EXOC2: variants seen among roughly 807,000 people sequenced by gnomAD.
EXOC2 encodes the protein exocyst complex component 2.
EXOC2 carries 70 observed loss-of-function variants against 131.8 expected under a neutral mutation model. The ratio of observed to expected loss-of-function variants is 0.53; its 90% CI spans 0.44 to 0.65. EXOC2 has a LOEUF of 0.65. EXOC2 is among the 30% of genes least tolerant of loss of function. The pLI, the probability that EXOC2 is intolerant of heterozygous loss-of-function variation, is 0.00. For synonymous variants in EXOC2, 411 were observed against 398.4 expected (o/e 1.03, Z -0.38); for missense variants, 923 against 1,108.6 (o/e 0.83, Z 2.38).
At chr6:554,036 G>T in intron 20 of EXOC2, 116 bp from the exon 21 acceptor site, 3 of 772,380 alleles carry the variant, frequency 3.9e-6, no homozygotes, top group Non-Finnish European at 6.0e-6. Context: ...TTTGGTGAAA[G>T]TCACATAACT....
chr6:487,778 G>T (rs1289288050), intron 27 of EXOC2, among the ~76,000 whole-genome samples: 1 of 152,166 alleles, frequency 6.6e-6, no homozygotes, highest in Non-Finnish European at 1.5e-5. Flanking sequence ...CAAGAACTGG[G>T]TTTAACAGTA....
At chr6:593,664 T>C (rs1473102528) in intron 10 of EXOC2, among the ~76,000 whole-genome samples, 1 of 152,248 alleles carries the variant, frequency 6.6e-6, no homozygotes, top group African/African-American at 2.4e-5. Flanking sequence ...CATGTCCAAA[T>C]GAATTTATTG....
chr6:608,303 C>A (rs1004833795), intron 7 of EXOC2, among the ~76,000 whole-genome samples: 4 of 152,162 alleles, frequency 2.6e-5, no homozygotes, highest in Non-Finnish European at 4.4e-5. Context: ...CTTGACACAA[C>A]CAGAGTTAAA....
At chr6:629,151 C>T (rs1193265919) in intron 4 of EXOC2, among the ~76,000 whole-genome samples, 1 of 152,156 alleles carries the variant, frequency 6.6e-6, no homozygotes, top group Non-Finnish European at 1.5e-5. Flanking sequence ...ATTAACAGTG[C>T]TAATTTGTCA....
chr6:524,745 TAATA>T (rs1461452052), intron 23 of EXOC2: 5 of 152,228 alleles, frequency 3.3e-5, no homozygotes, highest in Non-Finnish European at 2.9e-5. Context: ...GAATTCAACT[TAATA>T]AATATAGAAA....
chr6:547,736 G>GA (rs1004719836), intron 22 of EXOC2, among the ~76,000 whole-genome samples: 17 of 151,134 alleles, frequency 1.1e-4, no homozygotes, highest in Non-Finnish European at 1.8e-4. Context: ...GACGGTCGAT[G>GA]AAAAAAAAAT....
At chr6:617,985 CT>C in intron 5 of EXOC2, 150 bp from the exon 6 acceptor site, 1 of 966,708 alleles carries the variant, frequency 1.0e-6, no homozygotes. Flanking sequence ...AATCAAAAAG[CT>C]TTCAAATTGT....
chr6:633,227 A>T (rs1262612837), intron 2 of EXOC2, 110 bp from the exon 3 acceptor site: 1 of 1,112,278 alleles, frequency 9.0e-7, no homozygotes, highest in Non-Finnish European at 1.3e-6. Context: ...GACATTATTG[A>T]ATATACCCAA....
At position 625,705 on chromosome 6, in the gene EXOC2, A is replaced by G. The variant is rs180747827; in HGVS notation, c.422+4130T>C. Among the ~76,000 whole-genome samples, 122 of 152,234 alleles carry G rather than the reference A, an allele frequency of 8.0e-4. 1 individual carries two copies. Among genetic ancestry groups the G allele is most frequent in the Admixed American group, 3.3e-3 (51 of 15,298 alleles). On this transcript the variant is annotated intron_variant, in intron 4 of 27. Coordinates refer to ENST00000230449, the MANE Select transcript of EXOC2 (RefSeq NM_018303.6). ...AATACAGTCTTCTAAATGTGGTGGG[A>G]AAATTGAAATTGGTCTTTTCTTTCT...
At chr6:502,391 G>T (rs557926603) in intron 23 of EXOC2, among the ~76,000 whole-genome samples, 1 of 152,130 alleles carries the variant, frequency 6.6e-6, no homozygotes, top group African/African-American at 2.4e-5. Context: ...AAGAGTGGGG[G>T]CAGAGTGCTG....
intron 22 of EXOC2, among the ~76,000 whole-genome samples, chr6:539,692 TG>T (rs1766695043): frequency 6.6e-6 from 1 of 152,226 alleles, no homozygotes; most frequent in African/African-American, 2.4e-5. Flanking sequence ...TTGATAATAA[TG>T]TTTTTTAAAA....
chr6:499,780 T>A, intron 23 of EXOC2, 80 bp from the exon 24 acceptor site: 2 of 1,117,580 alleles, frequency 1.8e-6, no homozygotes, highest in Non-Finnish European at 2.7e-6. Context: ...CTGTACCCCA[T>A]GCTTTAGAGT....
rs1209641037 is a variant in EXOC2, at chr6:656,538, A to AC, written c.-43-18678dup. The AC allele has an allele frequency of 2.5e-6, 4 of 1,602,372 alleles. No homozygotes were observed. In the South Asian group the frequency reaches 4.4e-5, roughly 18 times the overall value. ...GTCCCGCCACACTCTCCTGGGAAGC[A>AC]CCCGCACGGGCAGATCGTGCACCAC... On this transcript the variant is annotated intron_variant, in intron 1 of 27. Coordinates refer to ENST00000230449, the MANE Select transcript of EXOC2 (RefSeq NM_018303.6).
intron 2 of EXOC2, among the ~76,000 whole-genome samples, chr6:633,518 T>C (rs1761955898): frequency 1.3e-5 from 2 of 152,242 alleles, no homozygotes; most frequent in South Asian, 4.1e-4. Flanking sequence ...GTATGTATCA[T>C]TTTCTAAAAA....
chr6:556,944 G>C (rs938844166), intron 17 of EXOC2, among the ~76,000 whole-genome samples: 2 of 152,112 alleles, frequency 1.3e-5, no homozygotes, highest in East Asian at 1.9e-4. Context: ...GAGTCTCCTA[G>C]ATCTTCCACA....
intron 1 of EXOC2, chr6:656,575 G>A (rs373567821): frequency 7.2e-5 from 115 of 1,591,238 alleles, no homozygotes; most frequent in East Asian, 1.8e-4. Flanking sequence ...CTGCGAGCGC[G>A]GCCCAGGGAC....
chr6:522,531 C>G (rs1172786024), intron 23 of EXOC2, among the ~76,000 whole-genome samples: 1 of 150,246 alleles, frequency 6.7e-6, no homozygotes, highest in African/African-American at 2.5e-5. Context: ...CTGATGGGGA[C>G]AGCAAAGTGT....
chr6:650,668 T>G (rs1762788735), intron 1 of EXOC2, among the ~76,000 whole-genome samples: 1 of 152,216 alleles, frequency 6.6e-6, no homozygotes, highest in Non-Finnish European at 1.5e-5. Context: ...GCTATAAAAC[T>G]TTTGATAGAT....
At position 495,196 on chromosome 6, in the gene EXOC2, G is replaced by A. The variant is rs184462351; in HGVS notation, c.2559+2171C>T. ...GCCAGACTGCAGTGGTGCGATCTCG[G>A]CTCACTGCGAGCTCCACCTCCAGGG... On this transcript the variant is annotated intron_variant, in intron 25 of 27. Transcript: ENST00000230449. Among the ~76,000 whole-genome samples the A allele has an allele frequency of 4.5e-4, 67 of 149,604 alleles. 2 individuals are homozygous for A. In the East Asian group the frequency reaches 8.4e-3, roughly 19 times the overall value.
Sources: allele counts gnomAD v4.1 joint callset (sites outside exome capture counted in the v4.1 genomes callset), GRCh38; gene constraint gnomAD v4.1.1; transcripts MANE v1.5; gene names NCBI Gene and HGNC (gene_info 2026-07-23, HGNC 2026-07-21).